The following SYNE2 variants were observed in gnomAD, a reference collection of about 807,000 sequenced individuals.
SYNE2 encodes the protein nesprin-2.
In SYNE2, 431 loss-of-function variants were observed where a neutral mutation model predicts 856.3. That is an observed-to-expected ratio of 0.50 (90% CI 0.47 to 0.55). SYNE2 has a LOEUF of 0.55. SYNE2 is among the 20% of genes least tolerant of loss of function. The pLI is 0.00. For missense variants in SYNE2, 8,129 were observed against 8,023.2 expected, an observed-to-expected ratio of 1.01 and a Z score of -0.50; for synonymous variants, 2,923 against 2,872.3, an observed-to-expected ratio of 1.02 and a Z score of -0.56.
At position 64,130,244 on chromosome 14, in the gene SYNE2, A is replaced by C. The variant is rs769455438; in HGVS notation, c.14336A>C (p.His4779Pro). Reference sequence around the variant, plus strand: ...GCGTTACAGGCTCAAATAGAAAATCACAAGGTGAGACAGACACATGGGTCG... The same window carrying C: ...GCGTTACAGGCTCAAATAGAAAATCCCAAGGTGAGACAGACACATGGGTCG... ...KVALQAQIEN[H>P]KVFFQKLVAD... Residue 4779 changes from histidine (H) to proline (P), a missense_variant, in exon 76 of 116, where the codon CAC (histidine) becomes CCC (proline). By Grantham distance (77) the His-to-Pro change is moderately conservative. Transcript: ENST00000555002. The C allele has an allele frequency of 1.2e-6, 2 of 1,611,154 alleles. No individual in the cohort carries two copies. Among genetic ancestry groups the C allele is most frequent in the Admixed American group, 1.7e-5 (1 of 59,846 alleles).
In SYNE2 at chr14:63,990,458, T is replaced by G; in HGVS notation, c.2361T>G (p.Ser787Arg). 6.2e-7 allele frequency: 1 copy of G among 1,613,640 alleles called. No individual in the cohort carries two copies. Among genetic ancestry groups the G allele is most frequent in the Non-Finnish European group, 8.5e-7 (1 of 1,179,918 alleles). The change falls in exon 20 of 116, where the codon AGT becomes AGG. Residue 787 changes from serine (S) to arginine (R), a missense_variant. Transcript: ENST00000555002. Reference sequence around the variant, plus strand: ...TGTTTGATGAGCTTATGGCAAGAAGTGAAGATATGTTACAAATGGATATAC... The same window carrying G: ...TGTTTGATGAGCTTATGGCAAGAAGGGAAGATATGTTACAAATGGATATAC... ...GSMFDELMAR[S>R]EDMLQMDIQN...
At chr14:64,006,927 G>T in intron 30 of SYNE2, 116 bp from the exon 31 acceptor site, 1 of 776,092 alleles carries the variant, frequency 1.3e-6, no homozygotes, top group Non-Finnish European at 2.3e-6. Context: ...GTGTAATTTT[G>T]GCATTAACCA....
chr14:63,802,934 G>A (rs1212114891), intron 1 of SYNE2, among the ~76,000 whole-genome samples: 11 of 152,160 alleles, frequency 7.2e-5, no homozygotes, highest in Admixed American at 6.6e-4. Context: ...TAAAAGCAGC[G>A]TGAACCCAAA....
At chr14:64,130,883 CA>C (rs34083068) in intron 76 of SYNE2, among the ~76,000 whole-genome samples, 312 of 99,492 alleles carry the variant, frequency 3.1e-3, no homozygotes, top group Middle Eastern at 7.1e-3. Flanking sequence ...GACTCTATCT[CA>C]AAAAAAAAAA....
intron 75 of SYNE2, 34 bp downstream of exon 75, chr14:64,129,935 G>A (rs1410605341): frequency 1.2e-6 from 2 of 1,613,956 alleles, no homozygotes; most frequent in South Asian, 2.2e-5. Context: ...ACTCAGCACT[G>A]TGATTGTGAG....
intron 65 of SYNE2, among the ~76,000 whole-genome samples, chr14:64,112,804 C>T (rs1289277821): frequency 6.6e-6 from 1 of 152,076 alleles, no homozygotes; most frequent in African/African-American, 2.4e-5. Flanking sequence ...TAAGTAATAC[C>T]ATGTATGTTT....
At chr14:63,834,318 G>T (rs1889772441) in intron 1 of SYNE2, among the ~76,000 whole-genome samples, 1 of 151,934 alleles carries the variant, frequency 6.6e-6, no homozygotes, top group Admixed American at 6.6e-5. Context: ...AGCTGAGATT[G>T]TACCCCTGCC....
intron 1 of SYNE2, among the ~76,000 whole-genome samples, chr14:63,762,435 CAA>C (rs71120281): frequency 9.4e-5 from 6 of 64,150 alleles, no homozygotes; most frequent in Non-Finnish European, 9.8e-5. Context: ...AACTCCATCT[CAA>C]AAAAAAAAAA....
chr14:64,111,793 T>A (rs983274625), intron 65 of SYNE2, among the ~76,000 whole-genome samples: 3 of 151,266 alleles, frequency 2.0e-5, no homozygotes, highest in Non-Finnish European at 2.9e-5. Flanking sequence ...GGGAAACTCT[T>A]CCCAAGAAGA....
intron 1 of SYNE2, among the ~76,000 whole-genome samples, chr14:63,863,623 A>C (rs1894344591): frequency 6.6e-6 from 1 of 152,202 alleles, no homozygotes; most frequent in Admixed American, 6.5e-5. Context: ...ACTCAAATGC[A>C]TATAAGCTGT....
In SYNE2 at chr14:64,225,527, AG is replaced by A. The variant is rs372346154; in HGVS notation, c.*4del. 498 of 1,613,830 alleles carry A rather than the reference AG, an allele frequency of 3.1e-4. 5 individuals are homozygous for A. The South Asian group carries it at 5.2e-3, about 17-fold the overall frequency. ...CACCAATGGGCCACCCCCCACATAGAGGGCATAGCTGGCCACAGTGCTACAC... is the reference window on the plus strand; with the variant it reads ...CACCAATGGGCCACCCCCCACATAGAGGCATAGCTGGCCACAGTGCTACAC... On this transcript the variant is annotated 3_prime_UTR_variant, in exon 116 of 116. Transcript: ENST00000555002.
chr14:64,059,420 A>G (rs1442012550), intron 49 of SYNE2, among the ~76,000 whole-genome samples: 1 of 152,216 alleles, frequency 6.6e-6, no homozygotes, highest in Non-Finnish European at 1.5e-5. Context: ...GTTTTTGCAG[A>G]GTCATAGAGC....
At chr14:64,220,290 T>G (rs1004677818) in intron 110 of SYNE2, 147 bp from the exon 111 acceptor site, 2 of 919,170 alleles carry the variant, frequency 2.2e-6, no homozygotes, top group Admixed American at 2.0e-5. Flanking sequence ...CCTGATGCTT[T>G]CCAGCCAGTC....
Position 63,978,904 on chromosome 14 carries a change from T to C in SYNE2, c.1459T>C (p.Tyr487His), listed in dbSNP as rs1350564039. Residue 487 changes from tyrosine to histidine, a missense_variant, in exon 14 of 116, where the codon TAC becomes CAC. Tyr to His is a moderately conservative substitution (Grantham distance 83, BLOSUM62 2). Around this residue, in one of 3 missense-constraint regions of SYNE2, gnomAD observed 2,422 missense variants for 2,357.4 expected, o/e 1.03. Coordinates refer to ENST00000555002, the MANE Select transcript of SYNE2 (RefSeq NM_182914.3). Reference protein sequence around the residue: ...KFILLLEFHYYKCLVLGLVDE... With the variant: ...KFILLLEFHYHKCLVLGLVDE... ...TATTCTACTTCTAGAATTTCATTAC[T>C]ACAAGTGCTTAGTTCTTGGTTTGGT... The C allele has an allele frequency of 5.6e-6, 9 of 1,612,902 alleles. No homozygotes were observed. Among genetic ancestry groups the C allele is most frequent in the African/African-American group, 1.3e-5 (1 of 74,920 alleles).
intron 79 of SYNE2, 64 bp from the exon 80 acceptor site, chr14:64,139,877 G>A (rs991130597): frequency 1.2e-5 from 18 of 1,557,162 alleles, no homozygotes; most frequent in Admixed American, 8.3e-5. Flanking sequence ...AAATTTGCTG[G>A]TGATGCATAT....
intron 16 of SYNE2, among the ~76,000 whole-genome samples, chr14:63,981,889 G>A (rs572873039): frequency 4.3e-4 from 65 of 152,194 alleles, no homozygotes; most frequent in African/African-American, 1.4e-3. Flanking sequence ...AGCATTTTAC[G>A]GGTTGAGTCA....
At chr14:63,936,865 T>TGGTGGTGATGGA (rs1268119821) in intron 2 of SYNE2, among the ~76,000 whole-genome samples, 2 of 151,894 alleles carry the variant, frequency 1.3e-5, no homozygotes. Context: ...TGGGCCAGGG[T>TGGTGGTGATGGA]GGTGGTGATG....
In SYNE2 at chr14:63,904,791, T is replaced by C. The variant is rs34248782; in HGVS notation, c.-51-4307T>C. Among the ~76,000 whole-genome samples, 237 of 152,266 alleles carry C rather than the reference T, an allele frequency of 1.6e-3. 1 individual carries two copies. The highest frequency in any genetic ancestry group is 2.6e-3 in the Non-Finnish European group (174 of 68,006). Reference sequence around the variant, plus strand: ...TTACTTTGTTGATAGTTTCTTTTGCTGCGCAGGAACTCTTTAATTAGATCC... The same window carrying C: ...TTACTTTGTTGATAGTTTCTTTTGCCGCGCAGGAACTCTTTAATTAGATCC... On this transcript the variant is annotated intron_variant, in intron 1 of 115. Coordinates refer to ENST00000555002, the MANE Select transcript of SYNE2 (RefSeq NM_182914.3).
At chr14:64,031,576 A>G (rs1400383056) in intron 45 of SYNE2, among the ~76,000 whole-genome samples, 1 of 152,212 alleles carries the variant, frequency 6.6e-6, no homozygotes, top group Non-Finnish European at 1.5e-5. Context: ...GTCAGTCATC[A>G]ATTTAGGTTT....
Sources: gnomAD v4.1 joint callset for allele counts (sites outside exome capture counted in the v4.1 genomes callset) on GRCh38, gnomAD v4.1.1 for gene constraint, gnomAD v4.1.1 regional missense constraint, MANE v1.5 for transcripts, NCBI Gene and HGNC (gene_info 2026-07-23, HGNC 2026-07-21) for gene names.